MBD5: variants seen among roughly 807,000 people sequenced by gnomAD.
The protein encoded by MBD5 is methyl-CpG-binding domain protein 5.
A neutral mutation model predicts 117.3 loss-of-function variants in MBD5; 13 were observed. That is an observed-to-expected ratio of 0.11 (90% CI 0.07 to 0.18). MBD5 has a LOEUF of 0.18. Ranked by LOEUF, MBD5 falls within the 10% of genes least tolerant of loss-of-function variation. The pLI is 1.00. For synonymous variants in MBD5, 727 were observed against 766.4 expected, an observed-to-expected ratio of 0.95 and a Z score of 0.85; for missense variants, 1,879 against 2,093.8, an observed-to-expected ratio of 0.90 and a Z score of 2.00.
chr2:148,075,300 G>A (rs375716977), intron 1 of MBD5, among the ~76,000 whole-genome samples: 28 of 152,124 alleles, frequency 1.8e-4, no homozygotes, highest in African/African-American at 6.0e-4. Context: ...AGGTAAAAAC[G>A]TATTTACTGT....
At chr2:148,334,194 G>A (rs951974182) in intron 3 of MBD5, among the ~76,000 whole-genome samples, 3 of 152,038 alleles carry the variant, frequency 2.0e-5, no homozygotes, top group Non-Finnish European at 4.4e-5. Context: ...GTACAAAATT[G>A]CTGCCTAGCT....
At chr2:148,145,707 C>A (rs1697440708) in intron 1 of MBD5, among the ~76,000 whole-genome samples, 1 of 152,128 alleles carries the variant, frequency 6.6e-6, no homozygotes, top group Non-Finnish European at 1.5e-5. Context: ...TTGAGATAAT[C>A]ATATGGTTTT....
rs1396729845 is a variant in MBD5 at position 148,513,329 on chromosome 2, A to C, written c.*388A>C. The stretch of plus-strand genomic sequence containing the variant: ...ATATTGTACAGTATTGTCATGTACA[A>C]GCGTACCTAATGCACACTTTATCTT... On this transcript the variant is annotated 3_prime_UTR_variant, in exon 14 of 14. Coordinates refer to ENST00000642680, the MANE Select transcript of MBD5 (RefSeq NM_001378120.1). 2 of 222,384 alleles carry C rather than the reference A, an allele frequency of 9.0e-6. No individual in the cohort carries two copies. Among genetic ancestry groups the C allele is most frequent in the African/African-American group, 4.6e-5 (2 of 43,420 alleles). The allele number at this position is 222,384 out of a possible 1,614,324, so 13.8% of individuals were successfully genotyped here.
intron 1 of MBD5, among the ~76,000 whole-genome samples, chr2:148,112,957 G>A (rs1028450591): frequency 4.6e-5 from 7 of 152,230 alleles, no homozygotes; most frequent in Admixed American, 1.3e-4. Flanking sequence ...GTTTGAGTTC[G>A]AGACCAACTT....
chr2:148,171,806 G>A lies in MBD5; in HGVS notation c.-924-6894G>A, dbSNP rs573304899. Among the ~76,000 whole-genome samples, 133 of 152,224 alleles carry A rather than the reference G, an allele frequency of 8.7e-4. 1 individual carries two copies. Among genetic ancestry groups the A allele is most frequent in the African/African-American group, 2.8e-3 (117 of 41,540 alleles). ...AAATCAACATACAAAAATCAGAAGC[G>A]TTTCTATACACTTAAGTGAACTGTC... On this transcript the variant is annotated intron_variant, in intron 1 of 13. Transcript: ENST00000642680.
chr2:148,091,487 A>C (rs1281924517), intron 1 of MBD5, among the ~76,000 whole-genome samples: 1 of 152,116 alleles, frequency 6.6e-6, no homozygotes, highest in Non-Finnish European at 1.5e-5. Flanking sequence ...AGAATAGAAC[A>C]CCCAGAAATA....
intron 4 of MBD5, among the ~76,000 whole-genome samples, chr2:148,380,774 T>G (rs1350706424): frequency 6.6e-6 from 1 of 152,062 alleles, no homozygotes; most frequent in Non-Finnish European, 1.5e-5. Context: ...AGACAAAACT[T>G]CCAGAGGAAC....
In MBD5 at chr2:148,086,403, A is replaced by T. The variant is rs188817846; in HGVS notation, c.-925+64719A>T. 2.4e-4 allele frequency among the ~76,000 whole-genome samples: 37 copies of T among 152,236 alleles called. 1 individual carries two copies. In the South Asian group the frequency reaches 5.2e-3, roughly 21 times the overall value. ...TTTGTCATTCAGAATCTGTTTTCTC[A>T]TAGAATTTTTTTTACATGGTGGTTA... On this transcript the variant is annotated intron_variant, in intron 1 of 13. Coordinates refer to ENST00000642680, the MANE Select transcript of MBD5 (RefSeq NM_001378120.1).
intron 1 of MBD5, among the ~76,000 whole-genome samples, chr2:148,132,339 T>TATATATACAC: frequency 6.8e-6 from 1 of 147,442 alleles, no homozygotes; most frequent in Non-Finnish European, 1.5e-5. Flanking sequence ...TACATATATA[T>TATATATACAC]ATATATATAT....
intron 4 of MBD5, among the ~76,000 whole-genome samples, chr2:148,443,699 C>T (rs535622942): frequency 1.3e-5 from 2 of 150,928 alleles, no homozygotes; most frequent in East Asian, 3.9e-4. Context: ...AATAATTGAA[C>T]TCATAGAAAT....
At chr2:148,079,082 C>T (rs1385784802) in intron 1 of MBD5, among the ~76,000 whole-genome samples, 1 of 152,180 alleles carries the variant, frequency 6.6e-6, no homozygotes, top group African/African-American at 2.4e-5. Flanking sequence ...TTTATTTTGA[C>T]TGTCCACTGA....
At chr2:148,300,088 CTTGTTG>C (rs1277082898) in intron 3 of MBD5, among the ~76,000 whole-genome samples, 1 of 151,714 alleles carries the variant, frequency 6.6e-6, no homozygotes, top group African/African-American at 2.4e-5. Context: ...GAGTTTCACT[CTTGTTG>C]CCCAGGCTGG....
intron 4 of MBD5, among the ~76,000 whole-genome samples, chr2:148,386,421 GA>G (rs1360191931): frequency 6.6e-6 from 1 of 152,094 alleles, no homozygotes; most frequent in East Asian, 1.9e-4. Flanking sequence ...TAAAAGATAA[GA>G]AGATACTTTA....
At chr2:148,464,090 A>G (rs146045316) in intron 7 of MBD5, among the ~76,000 whole-genome samples, 171 bp downstream of exon 7, 2 of 152,324 alleles carry the variant, frequency 1.3e-5, no homozygotes, top group African/African-American at 4.8e-5. Flanking sequence ...CTGAAAAAAT[A>G]TAGTGAGGTT....
intron 3 of MBD5, among the ~76,000 whole-genome samples, chr2:148,274,297 G>A (rs760630968): frequency 2.0e-5 from 3 of 151,914 alleles, no homozygotes; most frequent in Non-Finnish European, 4.4e-5. Flanking sequence ...TGTTACATAG[G>A]TATAGACGTG....
intron 4 of MBD5, among the ~76,000 whole-genome samples, chr2:148,437,209 C>T (rs1706180495): frequency 6.6e-6 from 1 of 151,884 alleles, no homozygotes; most frequent in Admixed American, 6.6e-5. Context: ...TCTCGATCTC[C>T]TGACCTCATT....
At chr2:148,094,769 A>G (rs1184451436) in intron 1 of MBD5, among the ~76,000 whole-genome samples, 1 of 152,144 alleles carries the variant, frequency 6.6e-6, no homozygotes, top group Non-Finnish European at 1.5e-5. Flanking sequence ...TTAAATATTT[A>G]AGAAGAAGAA....
At chr2:148,205,593 A>G (rs903367857) in intron 2 of MBD5, among the ~76,000 whole-genome samples, 5 of 152,240 alleles carry the variant, frequency 3.3e-5, no homozygotes, top group African/African-American at 1.2e-4. Context: ...AGAAATAAGG[A>G]CAGATATAAA....
chr2:148,244,070 A>G (rs1044960267), intron 3 of MBD5: 3 of 150,778 alleles, frequency 2.0e-5, no homozygotes, highest in Non-Finnish European at 2.9e-5. Context: ...GCTAGATGTA[A>G]TGTGAGCCTA....
Sources: gnomAD v4.1 joint callset for allele counts (sites outside exome capture counted in the v4.1 genomes callset) on GRCh38, gnomAD v4.1.1 for gene constraint, MANE v1.5 for transcripts, NCBI Gene and HGNC (gene_info 2026-07-23, HGNC 2026-07-21) for gene names.